The following MAPK10 variants were observed in gnomAD, a reference collection of about 807,000 sequenced individuals.
The protein encoded by MAPK10 is mitogen-activated protein kinase 10.
Under a neutral mutation model 59.3 loss-of-function variants are expected in MAPK10, and 25 were observed. That is an observed-to-expected ratio of 0.42 (90% confidence interval 0.31 to 0.59). MAPK10 has a LOEUF of 0.59. Among genes scored for constraint, MAPK10 ranks in the 20% least tolerant of loss-of-function variants. The pLI, the probability that MAPK10 is intolerant of heterozygous loss-of-function variation, is 0.15. For synonymous variants in MAPK10, 190 were observed against 200.5 expected (o/e 0.95, Z 0.44); for missense variants, 351 against 568.9 (o/e 0.62, Z 3.90).
rs772017186 is a variant in MAPK10, at chr4:86,107,344, T to C, written c.245A>G (p.Tyr82Cys). The C allele has an allele frequency of 3.7e-6, 6 of 1,612,754 alleles. No homozygotes were observed. The Admixed American group carries it at 5.0e-5, about 13-fold the overall frequency. Residue 82 changes from tyrosine (Y) to cysteine (C), a missense_variant, in exon 5 of 14, where the codon TAT becomes TGT. Tyr to Cys is a radical substitution (Grantham distance 194, BLOSUM62 -2). Coordinates refer to ENST00000641462, the MANE Select transcript of MAPK10 (RefSeq NM_138982.4). Reference sequence around the variant, plus strand: ...CACATTTCTGTCAAGGACAGCATCATACGCGGCACTGTAGAGATCCAAGAG... The same window carrying C: ...CACATTTCTGTCAAGGACAGCATCACACGCGGCACTGTAGAGATCCAAGAG... ...SGAQGIVCAAYDAVLDRNVAI... is the reference protein window; with the variant it reads ...SGAQGIVCAACDAVLDRNVAI...
At position 86,481,429 on chromosome 4, in the gene MAPK10, GAA is replaced by G. The variant is rs201596678; in HGVS notation, c.-263+112479_-263+112480del. ...TTAACTGAAAGTTGTGAAAGTGGAG[GAA>G]AAAAAAAAAAAAAACCATTGCCACT... is the stretch of plus-strand genomic sequence containing the variant. On this transcript the variant is annotated intron_variant, in intron 1 of 4. Transcript: ENST00000502302. 6.3e-4 allele frequency among the ~76,000 whole-genome samples: 84 copies of G among 133,082 alleles called. 1 individual carries two copies. Among genetic ancestry groups the G allele is most frequent in the Middle Eastern group, 4.0e-3 (1 of 252 alleles). The allele number at this position is 133,082 out of a possible 152,430, so 87.3% of individuals were successfully genotyped here.
intron 12 of MAPK10, 97 bp from the exon 13 acceptor site, chr4:86,029,371 T>C (rs1308307783): frequency 2.8e-6 from 2 of 711,838 alleles, no homozygotes; most frequent in African/African-American, 1.8e-5. Flanking sequence ...TTTGATGGGG[T>C]TGAGTAAATT....
rs567409018 is a variant in MAPK10 at position 86,493,596 on chromosome 4, G to T, written c.-263+100314C>A. On this transcript the variant is annotated intron_variant, in intron 1 of 4. Coordinates refer to the MAPK10 transcript ENST00000502302. ...TTCAGGACAGCCTTTCTGTCATTTTGGGCCTTAGCACATTTAGCTCACCCT... is the reference window on the plus strand; with the variant it reads ...TTCAGGACAGCCTTTCTGTCATTTTTGGCCTTAGCACATTTAGCTCACCCT... Among the ~76,000 whole-genome samples the T allele has an allele frequency of 3.9e-5, 6 of 152,164 alleles. No individual in the cohort carries two copies. In the South Asian group the frequency reaches 1.0e-3, roughly 26 times the overall value.
intron 11 of MAPK10, among the ~76,000 whole-genome samples, chr4:86,039,609 G>A (rs527405206): frequency 6.6e-6 from 1 of 152,242 alleles, no homozygotes; most frequent in East Asian, 1.9e-4. Context: ...CCCAGCCTCT[G>A]GAACTTCTCC....
intron 1 of MAPK10, among the ~76,000 whole-genome samples, chr4:86,566,979 G>C (rs1761103632): frequency 6.6e-6 from 1 of 152,076 alleles, no homozygotes; most frequent in Non-Finnish European, 1.5e-5. Flanking sequence ...GCTGAGGTGG[G>C]AGGATCACCT....
chr4:86,412,806 C>T (rs1745364116), intron 1 of MAPK10, among the ~76,000 whole-genome samples: 1 of 152,154 alleles, frequency 6.6e-6, no homozygotes, highest in Non-Finnish European at 1.5e-5. Context: ...TTCATCTAAC[C>T]TTTCTTCAAG....
At chr4:86,530,909 CAAG>C (rs1321220970) in intron 1 of MAPK10, among the ~76,000 whole-genome samples, 1 of 152,130 alleles carries the variant, frequency 6.6e-6, no homozygotes, top group African/African-American at 2.4e-5. Context: ...GTAAATGAGA[CAAG>C]AAGACTACTT....
intron 10 of MAPK10, among the ~76,000 whole-genome samples, chr4:86,067,127 A>G (rs1034830182): frequency 1.3e-5 from 2 of 152,178 alleles, no homozygotes; most frequent in Admixed American, 1.3e-4. Context: ...TTGGAATTAC[A>G]TTATGAAGTA....
chr4:86,387,806 T>C (rs1741689775), intron 1 of MAPK10, among the ~76,000 whole-genome samples: 1 of 152,106 alleles, frequency 6.6e-6, no homozygotes, highest in Non-Finnish European at 1.5e-5. Flanking sequence ...GCCCTCCTCC[T>C]CCTATCAGTT....
At position 86,234,236 on chromosome 4, in the gene MAPK10, CA is replaced by C. The variant is rs1013652918; in HGVS notation, c.-6-39830del. ...AGGTTGATATACAGCATCATAGAGA[CA>C]AAAAAAAATTAATGTAAAGATTCTG... is the stretch of plus-strand genomic sequence containing the variant. On this transcript the variant is annotated intron_variant, in intron 2 of 13. Transcript: ENST00000641462. 5.3e-5 allele frequency among the ~76,000 whole-genome samples: 8 copies of C among 149,864 alleles called. No individual in the cohort carries two copies. In the East Asian group the frequency reaches 5.9e-4, roughly 11 times the overall value.
intron 2 of MAPK10, among the ~76,000 whole-genome samples, chr4:86,302,915 T>C (rs1417398000): frequency 6.6e-6 from 1 of 152,226 alleles, no homozygotes; most frequent in Non-Finnish European, 1.5e-5. Flanking sequence ...TTTAATTTTA[T>C]TTCAAGCCAC....
At chr4:86,154,733 C>T (rs1174791360) in intron 4 of MAPK10, among the ~76,000 whole-genome samples, 2 of 151,974 alleles carry the variant, frequency 1.3e-5, no homozygotes, top group African/African-American at 4.8e-5. Context: ...AAAGCTATCA[C>T]TGATAAACCA....
chr4:86,292,452 G>A (rs906204397), intron 2 of MAPK10, among the ~76,000 whole-genome samples: 15 of 152,224 alleles, frequency 9.9e-5, no homozygotes, highest in African/African-American at 2.9e-4. Context: ...TGTGGGCTGC[G>A]CACCCTTTAA....
chr4:86,202,764 T>G (rs867292568), intron 2 of MAPK10, among the ~76,000 whole-genome samples: 32 of 152,120 alleles, frequency 2.1e-4, no homozygotes, highest in African/African-American at 7.7e-4. Flanking sequence ...GTTTTAACTT[T>G]TAATGAATGA....
chr4:86,121,769 T>G (rs2059294897), intron 4 of MAPK10, among the ~76,000 whole-genome samples: 1 of 152,166 alleles, frequency 6.6e-6, no homozygotes, highest in Admixed American at 6.6e-5. Flanking sequence ...ATACAATATA[T>G]TCTTATGAAC....
intron 1 of MAPK10, among the ~76,000 whole-genome samples, chr4:86,386,279 C>A (rs1741454530): frequency 6.6e-6 from 1 of 152,210 alleles, no homozygotes; most frequent in Non-Finnish European, 1.5e-5. Flanking sequence ...CATTTACTCA[C>A]TCTTCCCTGG....
At chr4:86,346,517 C>T (rs531782859) in intron 2 of MAPK10, among the ~76,000 whole-genome samples, 5 of 152,188 alleles carry the variant, frequency 3.3e-5, no homozygotes, top group African/African-American at 4.8e-5. Context: ...GTTAAATCTG[C>T]GGATGTGAAA....
chr4:86,236,598 T>C (rs1215145234), intron 2 of MAPK10, among the ~76,000 whole-genome samples: 3 of 152,138 alleles, frequency 2.0e-5, no homozygotes, highest in Admixed American at 6.5e-5. Flanking sequence ...TTGACAACAA[T>C]GTATTAGCTA....
chr4:86,356,443 T>C, intron 1 of MAPK10: 1 of 720,614 alleles, frequency 1.4e-6, no homozygotes, highest in Non-Finnish European at 1.7e-6. Context: ...TGTTTATATT[T>C]AGTGATTTTC....
Sources: gnomAD v4.1 joint callset for allele counts (sites outside exome capture counted in the v4.1 genomes callset) on GRCh38, gnomAD v4.1.1 for gene constraint, MANE v1.5 for transcripts, NCBI Gene and HGNC (gene_info 2026-07-23, HGNC 2026-07-21) for gene names.